ERCC1: variants seen among roughly 807,000 people sequenced by gnomAD.
ERCC1 encodes ERCC excision repair 1, endonuclease non-catalytic subunit, also known as DNA excision repair protein ERCC-1.
A neutral mutation model predicts 37.6 loss-of-function variants in ERCC1; 36 were observed. The ratio of observed to expected loss-of-function variants is 0.96; its 90% CI spans 0.73 to 1.26. ERCC1 has a LOEUF of 1.26. Among genes scored for constraint, ERCC1 ranks in the 50% most tolerant of loss-of-function variants. The pLI is 0.00. For synonymous variants in ERCC1, 156 were observed against 162.1 expected, an observed-to-expected ratio of 0.96 and a Z score of 0.28; for missense variants, 349 against 376.5, an observed-to-expected ratio of 0.93 and a Z score of 0.60.
rs779065447 is a variant in ERCC1 at position 45,408,191 on chromosome 19, G to T, written c.*1484C>A. 6.2e-7 allele frequency: 1 copy of T among 1,613,266 alleles called. No individual in the cohort carries two copies. Among genetic ancestry groups the T allele is most frequent in the Non-Finnish European group, 8.5e-7 (1 of 1,179,396 alleles). On this transcript the variant is annotated 3_prime_UTR_variant, in exon 10 of 10. Coordinates refer to ENST00000300853, the MANE Select transcript of ERCC1 (RefSeq NM_001983.4). ...CCAGATCGTCAAGGGCAAATTGGCA[G>T]GCAAGCGGCACCGCTATCGAGTCCT...
intron 1 of ERCC1, among the ~76,000 whole-genome samples, chr19:45,433,343 T>C (rs1974883809): frequency 6.6e-6 from 1 of 151,898 alleles, no homozygotes; most frequent in South Asian, 2.1e-4. Flanking sequence ...CTGGGCAACA[T>C]GGTGAAACCC....
intron 4 of ERCC1, chr19:45,419,547 G>A: frequency 2.9e-6 from 1 of 347,480 alleles, no homozygotes; most frequent in Non-Finnish European, 5.6e-6. Flanking sequence ...AGGGCCCACT[G>A]CCAAACCATC....
intron 1 of ERCC1, among the ~76,000 whole-genome samples, chr19:45,442,167 T>C (rs1975137429): frequency 1.4e-5 from 2 of 140,230 alleles, no homozygotes; most frequent in South Asian, 4.8e-4. Flanking sequence ...TTTTTTTTAA[T>C]TAGCCAAGTG....
At chr19:45,424,000 G>GC (rs1273577127), upstream of ERCC1, 21 of 1,054,748 alleles carry the variant, frequency 2.0e-5, no homozygotes, top group Non-Finnish European at 2.4e-5. Flanking sequence ...CTGGAGGACC[G>GC]CGGAGGTCGT....
chr19:45,423,881 A>T lies in ERCC1; in HGVS notation c.-108T>A, dbSNP rs553627556. The T allele has an allele frequency of 1.8e-6, 2 of 1,106,242 alleles. No individual in the cohort carries two copies. The highest frequency in any genetic ancestry group is 4.5e-5 in the East Asian group (1 of 22,404). 68.5% of individuals were successfully genotyped at this position (1,106,242 alleles called of 1,614,324 possible). A position where few individuals can be genotyped will look rare whatever the true frequency, so the allele number is the denominator to read the frequency against. ...AGAGGGATCGAGGCGGCCCACTGCC[A>T]GCACGGCCAGCGTGGCCCAGGGCTC... On this transcript the variant is annotated 5_prime_UTR_variant, in exon 1 of 10. Coordinates refer to ENST00000300853, the MANE Select transcript of ERCC1 (RefSeq NM_001983.4).
chr19:45,409,338 C>T lies in ERCC1; in HGVS notation c.*337G>A, dbSNP rs780237434. 27 of 1,613,952 alleles carry T rather than the reference C, an allele frequency of 1.7e-5. No individual in the cohort carries two copies. Among genetic ancestry groups the T allele is most frequent in the Admixed American group, 1.7e-4 (10 of 59,988 alleles). On this transcript the variant is annotated 3_prime_UTR_variant, in exon 10 of 10. Transcript: ENST00000300853. ...GGACAGCCTGAAGCCAGGGCAACTC[C>T]GGGATCCACCAAGAAGAGGAAGAAG...
chr19:45,415,594 C>T (rs1450574265), intron 6 of ERCC1, among the ~76,000 whole-genome samples: 1 of 148,152 alleles, frequency 6.7e-6, no homozygotes, highest in Non-Finnish European at 1.5e-5. Context: ...CGAGATCACG[C>T]CACTGCACTC....
intron 1 of ERCC1, among the ~76,000 whole-genome samples, chr19:45,439,939 T>A (rs1262045360): frequency 1.3e-5 from 2 of 152,118 alleles, no homozygotes; most frequent in African/African-American, 4.8e-5. Context: ...CTAAAAATAG[T>A]TGCCGCGCTC....
chr19:45,426,959 TA>T (rs1555789830), upstream of ERCC1, among the ~76,000 whole-genome samples: 4,058 of 92,390 alleles, frequency 0.044, 394 homozygotes, highest in African/African-American at 0.17. Flanking sequence ...AAACTCCATC[TA>T]AAAAAAAAAA....
chr19:45,413,717 C>T lies in ERCC1; in HGVS notation c.803G>A (p.Arg268Lys). 6.2e-7 allele frequency: 1 copy of T among 1,613,966 alleles called. No individual in the cohort carries two copies. The highest frequency in any genetic ancestry group is 1.1e-5 in the South Asian group (1 of 91,068). The change falls in exon 9 of 10, where the codon AGA (arginine) becomes AAA (lysine). Residue 268 changes from arginine to lysine, a missense_variant. By Grantham distance (26) the Arg-to-Lys change is conservative. Coordinates refer to ENST00000300853, the MANE Select transcript of ERCC1 (RefSeq NM_001983.4). ...GSLEQLIAAS[R>K]EDLALCPGLG... ...GCCTGGGCATAAGGCCAGATCTTCT[C>T]TTGATGCGGCGATGAGCTGTTCCAG...
In ERCC1 at chr19:45,409,366, G is replaced by A. The variant is rs749054278; in HGVS notation, c.*309C>T. 3 of 1,614,082 alleles carry A rather than the reference G, an allele frequency of 1.9e-6. No homozygotes were observed. In the Admixed American group the frequency reaches 5.0e-5, roughly 27 times the overall value. On this transcript the variant is annotated 3_prime_UTR_variant, in exon 10 of 10. Coordinates refer to ENST00000300853, the MANE Select transcript of ERCC1 (RefSeq NM_001983.4). ...GATCCACCAAGAAGAGGAAGAAGCA[G>A]AGTCAGGAAAGCCGGATGCCAGAGA...
At chr19:45,419,270 C>T in intron 4 of ERCC1, 73 bp from the exon 5 acceptor site, 2 of 1,059,402 alleles carry the variant, frequency 1.9e-6, no homozygotes, top group Non-Finnish European at 2.9e-6. Context: ...TTCCCTCTCA[C>T]TGGAATACTA....
chr19:45,420,313 G>A lies in ERCC1; in HGVS notation c.425+11C>T, dbSNP rs572179126. 35 of 1,589,266 alleles carry A rather than the reference G, an allele frequency of 2.2e-5. 1 individual carries two copies. Among genetic ancestry groups the A allele is most frequent in the African/African-American group, 1.2e-4 (9 of 74,362 alleles). ...CCTTCCTGAAGTCTGGGGTGGCGCC[G>A]CAGAGCTCACCTGAGGAACAGGGCA... is the stretch of plus-strand genomic sequence containing the variant. On this transcript the variant is annotated intron_variant, in intron 4 of 9. Transcript: ENST00000300853. This position sits in a 1 kb window ranked among gnomAD's most constrained non-coding sequence, Gnocchi z 4.8.
intron 6 of ERCC1, among the ~76,000 whole-genome samples, chr19:45,415,292 G>A (rs1203156231): frequency 1.4e-5 from 2 of 139,106 alleles, no homozygotes; most frequent in South Asian, 2.4e-4. Context: ...CCAAGATCAC[G>A]CCATTGCACT....
intron 9 of ERCC1, among the ~76,000 whole-genome samples, chr19:45,412,495 A>G (rs971718591): frequency 3.3e-5 from 5 of 152,138 alleles, no homozygotes; most frequent in East Asian, 1.9e-4. Context: ...CTGATGATCA[A>G]TGATGCTGAG....
At chr19:45,411,113 C>T (rs113096494) in intron 9 of ERCC1, among the ~76,000 whole-genome samples, 204 of 152,218 alleles carry the variant, frequency 1.3e-3, no homozygotes, top group African/African-American at 4.8e-3. Flanking sequence ...TGTGAGCCAC[C>T]GCGCCCAGCC....
At chr19:45,428,549 G>A (rs189698958), upstream of ERCC1, among the ~76,000 whole-genome samples, 1 of 152,282 alleles carries the variant, frequency 6.6e-6, no homozygotes, top group African/African-American at 2.4e-5. Context: ...CGCAACTCCA[G>A]TTTGGGCCAC....
upstream of ERCC1, among the ~76,000 whole-genome samples, chr19:45,427,280 G>A (rs1343971009): frequency 5.3e-5 from 8 of 152,294 alleles, no homozygotes; most frequent in Middle Eastern, 0.01. Context: ...AGGAAGGAAG[G>A]AGAATCAGTC....
upstream of ERCC1, among the ~76,000 whole-genome samples, chr19:45,426,678 G>A (rs115447993): frequency 0.014 from 2,082 of 151,902 alleles, 45 homozygotes; most frequent in African/African-American, 0.047. Context: ...AGAATTCTAG[G>A]CTGGGTGCGG....
Sources: gnomAD v4.1 joint callset for allele counts (sites outside exome capture counted in the v4.1 genomes callset) on GRCh38, gnomAD v4.1.1 for gene constraint, Gnocchi (gnomAD v3.1) non-coding constraint, MANE v1.5 for transcripts, NCBI Gene and HGNC (gene_info 2026-07-23, HGNC 2026-07-21) for gene names.